Variants in IL18 observed in about 807,000 individuals in gnomAD.
IL18 encodes the protein interleukin 18.
In IL18, 8 loss-of-function variants were observed where a neutral mutation model predicts 14.2. The observed-to-expected ratio is 0.56, with a 90% CI of 0.33 to 1.01. The LOEUF is 1.01. IL18 is among the 50% of genes least tolerant of loss of function. IL18 has a pLI of 0.03. For synonymous variants in IL18, 67 were observed against 71.0 expected (o/e 0.94, Z 0.28); for missense variants, 166 against 231.1 (o/e 0.72, Z 1.83).
intron 2 of IL18, among the ~76,000 whole-genome samples, chr11:112,153,967 T>C (rs1235414236): frequency 1.3e-5 from 2 of 152,122 alleles, no homozygotes; most frequent in Non-Finnish European, 2.9e-5. Flanking sequence ...ATGAAGGTTT[T>C]TTTTTGTGTG....
intron 1 of IL18, among the ~76,000 whole-genome samples, chr11:112,161,740 C>T (rs1017586796): frequency 6.6e-6 from 1 of 152,216 alleles, no homozygotes; most frequent in South Asian, 2.1e-4. Flanking sequence ...GCAGAGGTTG[C>T]AGTGAGCCGA....
intron 1 of IL18, among the ~76,000 whole-genome samples, chr11:112,155,412 T>C (rs1394460289): frequency 1.3e-5 from 2 of 152,230 alleles, no homozygotes; most frequent in Non-Finnish European, 2.9e-5. Flanking sequence ...ACACATCTAA[T>C]CGTGCCCTTT....
intron 5 of IL18, among the ~76,000 whole-genome samples, chr11:112,144,192 C>T (rs772510757): frequency 2.0e-5 from 3 of 152,162 alleles, no homozygotes; most frequent in Non-Finnish European, 4.4e-5. Flanking sequence ...CGGCTAAAGA[C>T]GATGATGACC....
intron 5 of IL18, among the ~76,000 whole-genome samples, chr11:112,145,619 G>A (rs1352839072): frequency 6.6e-6 from 1 of 152,112 alleles, no homozygotes; most frequent in African/African-American, 2.4e-5. Context: ...GGCGCCTGTA[G>A]TCCCAGCTGC....
rs769738201 is a variant in IL18, at chr11:112,143,416, G to A, written c.*180C>T. 36 of 503,106 alleles carry A rather than the reference G, an allele frequency of 7.2e-5. 1 individual carries two copies. The highest frequency in any genetic ancestry group is 9.9e-5 in the Non-Finnish European group (28 of 282,106). 31.2% of individuals were successfully genotyped at this position (503,106 alleles called of 1,614,324 possible). On this transcript the variant is annotated 3_prime_UTR_variant, in exon 6 of 6. Coordinates refer to ENST00000280357, the MANE Select transcript of IL18 (RefSeq NM_001562.4). The stretch of plus-strand genomic sequence containing the variant: ...CTGCCTCAGCCTCTTGAGTAGCTGG[G>A]ATTGAGGGCATGCGTCACTACACTC...
In IL18 at chr11:112,154,989, G is replaced by A. The variant is rs61734549; in HGVS notation, c.65C>T (p.Thr22Met). The A allele has an allele frequency of 4.2e-4, 678 of 1,604,506 alleles. No individual in the cohort carries two copies. The highest frequency in any genetic ancestry group is 1.7e-3 in the Middle Eastern group (10 of 6,030). Residue 22 changes from threonine (T) to methionine (M), a missense_variant, in exon 2 of 6, where the codon ACG (threonine) becomes ATG (methionine). Physicochemically the swap from Thr to Met is moderately conservative, Grantham distance 81 (BLOSUM62 -1). Transcript: ENST00000280357. The stretch of plus-strand genomic sequence containing the variant: ...ATTAGCCTTACCTATAAAGTAAAGC[G>A]TATTGTCAATAAATTTCATTGCCAC... ...NFVAMKFIDNTLYFIAEDDEN... is the reference protein window; with the variant it reads ...NFVAMKFIDNMLYFIAEDDEN...
At position 112,153,999 on chromosome 11, in the gene IL18, A is replaced by G. The variant is rs923292740; in HGVS notation, c.80-396T>C. ...TGTGTGTGTGTCAGGGTCTACTGTCATGCAGGCTGGAGTGTAGGGGTGGGA... is the reference window on the plus strand; with the variant it reads ...TGTGTGTGTGTCAGGGTCTACTGTCGTGCAGGCTGGAGTGTAGGGGTGGGA... On this transcript the variant is annotated intron_variant, in intron 2 of 5. Coordinates refer to ENST00000280357, the MANE Select transcript of IL18 (RefSeq NM_001562.4). Among the ~76,000 whole-genome samples the G allele has an allele frequency of 2.6e-5, 4 of 152,206 alleles. No homozygotes were observed. The South Asian group carries it at 8.3e-4, about 32-fold the overall frequency.
chr11:112,154,138 T>C (rs1866493267), intron 2 of IL18, among the ~76,000 whole-genome samples: 1 of 151,980 alleles, frequency 6.6e-6, no homozygotes, highest in African/African-American at 2.4e-5. Context: ...AGAGATGGGG[T>C]CTCACTTTGT....
intron 5 of IL18, among the ~76,000 whole-genome samples, chr11:112,145,856 G>T (rs1204630512): frequency 2.0e-5 from 3 of 152,142 alleles, no homozygotes; most frequent in African/African-American, 7.2e-5. Flanking sequence ...CAGAATAGAG[G>T]TAAGGACATC....
At chr11:112,145,962 T>G (rs1046494769) in intron 5 of IL18, among the ~76,000 whole-genome samples, 1 of 151,652 alleles carries the variant, frequency 6.6e-6, no homozygotes, top group East Asian at 1.9e-4. Context: ...CCCAATGACC[T>G]TGGAGAACCC....
intron 4 of IL18, 66 bp downstream of exon 4, chr11:112,150,005 GT>G: frequency 7.5e-7 from 1 of 1,341,662 alleles, no homozygotes; most frequent in Non-Finnish European, 1.0e-6. Context: ...ACGGAACAAT[GT>G]AAGCAGTAAA....
chr11:112,143,615 G>C lies in IL18; in HGVS notation c.563C>G (p.Thr188Ser), dbSNP rs1360573194. The change falls in exon 6 of 6, where the codon ACT (threonine) becomes AGT (serine). Residue 188 changes from threonine (T) to serine (S), a missense_variant. Transcript: ENST00000280357. ...DELGDRSIMF[T>S]VQNED ...TAATAGCTAGTCTTCGTTTTGAACA[G>C]TGAACATTATAGATCTATCCCCCAA... The C allele has an allele frequency of 6.2e-7, 1 of 1,610,772 alleles. No individual in the cohort carries two copies. The highest frequency in any genetic ancestry group is 1.1e-5 in the South Asian group (1 of 90,806).
At chr11:112,148,530 A>G (rs1287202720) in intron 5 of IL18, 73 bp downstream of exon 5, 1 of 793,262 alleles carries the variant, frequency 1.3e-6, no homozygotes, top group African/African-American at 1.8e-5. Flanking sequence ...TATTAACATT[A>G]GAAATAATGT....
intron 1 of IL18, among the ~76,000 whole-genome samples, chr11:112,157,888 G>A (rs903846121): frequency 2.0e-5 from 3 of 152,104 alleles, no homozygotes; most frequent in Non-Finnish European, 2.9e-5. Context: ...ACAGAGTTTC[G>A]CTCTTGTTGC....
At position 112,158,521 on chromosome 11, in the gene IL18, G is replaced by GTTTTTTTTTTTTTTTTTT. The variant is rs71060226; in HGVS notation, c.-8-3461_-8-3460insAAAAAAAAAAAAAAAAAA. Among the ~76,000 whole-genome samples, 8 of 104,982 alleles carry GTTTTTTTTTTTTTTTTTT rather than the reference G, an allele frequency of 7.6e-5. 2 individuals are homozygous for GTTTTTTTTTTTTTTTTTT. Among genetic ancestry groups the GTTTTTTTTTTTTTTTTTT allele is most frequent in the South Asian group, 6.8e-4 (2 of 2,928 alleles). The allele number at this position is 104,982 out of a possible 152,430, so 68.9% of individuals were successfully genotyped here. ...CTTGGTTTCAACATATTTATTTGGA[G>GTTTTTTTTTTTTTTTTTT]TTTTTTTTTTTTTGCACAGCAGTAA... On this transcript the variant is annotated intron_variant, in intron 1 of 5. Transcript: ENST00000280357.
intron 1 of IL18, among the ~76,000 whole-genome samples, chr11:112,159,131 T>C (rs911680081): frequency 4.0e-5 from 6 of 151,878 alleles, no homozygotes; most frequent in African/African-American, 7.3e-5. Flanking sequence ...GGTGGGTGGA[T>C]TGCTTGAGGT....
Position 112,148,730 on chromosome 11 carries a change from G to A in IL18, c.233C>T (p.Ala78Val), listed in dbSNP as rs1242480821. The change falls in exon 5 of 6, where the codon GCA (alanine) becomes GTA (valine). Residue 78 changes from alanine to valine, a missense_variant. By Grantham distance (64) the Ala-to-Val change is moderately conservative. Transcript: ENST00000280357. Reference sequence around the variant, plus strand: ...ACTTATAATAAATATGGTCCGGGGTGCATTATCTGAAATAAATATAATAAA... The same window carrying A: ...ACTTATAATAAATATGGTCCGGGGTACATTATCTGAAATAAATATAATAAA... ...DMTDSDCRDN[A>V]PRTIFIISMY... 1.4e-6 allele frequency: 2 copies of A among 1,439,820 alleles called. No homozygotes were observed. The highest frequency in any genetic ancestry group is 1.4e-5 in the South Asian group (1 of 69,158). 89.2% of individuals were successfully genotyped at this position (1,439,820 alleles called of 1,614,324 possible).
In IL18 at chr11:112,143,579, G is replaced by A. The variant is rs2135304864; in HGVS notation, c.*17C>T. On this transcript the variant is annotated 3_prime_UTR_variant, in exon 6 of 6. Transcript: ENST00000280357. ...TTACAGGCGTGAGCCACTGCGCCCGGCATGAAATTTTAATAGCTAGTCTTC... is the reference window on the plus strand; with the variant it reads ...TTACAGGCGTGAGCCACTGCGCCCGACATGAAATTTTAATAGCTAGTCTTC... 1 of 1,557,858 alleles carries A rather than the reference G, an allele frequency of 6.4e-7. No homozygotes were observed. The highest frequency in any genetic ancestry group is 8.8e-7 in the Non-Finnish European group (1 of 1,135,202).
Position 112,143,716 on chromosome 11 carries a change from TGAA to T in IL18, c.459_461del (p.Ser155del). 3.7e-6 allele frequency: 6 copies of T among 1,611,512 alleles called. No homozygotes were observed. The highest frequency in any genetic ancestry group is 5.1e-6 in the Non-Finnish European group (6 of 1,177,690). ...AAGCTAGAAAGTATCCTTCGTATGA[TGAA>T]GATTCAAATTGCATCTTATTATCAT... is the stretch of plus-strand genomic sequence containing the variant. On this transcript the variant is annotated inframe_deletion, in exon 6 of 6. Coordinates refer to ENST00000280357, the MANE Select transcript of IL18 (RefSeq NM_001562.4).
Sources: gnomAD v4.1 joint callset for allele counts (sites outside exome capture counted in the v4.1 genomes callset) on GRCh38, gnomAD v4.1.1 for gene constraint, MANE v1.5 for transcripts, NCBI Gene and HGNC (gene_info 2026-07-23, HGNC 2026-07-21) for gene names.